The following NME9 variants were observed in gnomAD, a reference collection of about 807,000 sequenced individuals.
NME9 encodes the protein NME/NM23 family member 9.
NME9 carries 48 observed loss-of-function variants against 44.4 expected under a neutral mutation model. That is an observed-to-expected ratio of 1.08 (90% CI 0.86 to 1.37). NME9 has a LOEUF of 1.37. Ranked by LOEUF, NME9 falls within the 40% of genes most tolerant of loss-of-function variation. The pLI, the probability that NME9 is intolerant of heterozygous loss-of-function variation, is 0.00. For synonymous variants in NME9, 139 were observed against 147.1 expected, an observed-to-expected ratio of 0.94 and a Z score of 0.40; for missense variants, 325 against 405.2, an observed-to-expected ratio of 0.80 and a Z score of 1.70.
intron 8 of NME9, among the ~76,000 whole-genome samples, chr3:138,293,722 TTTC>T (rs2051206887): frequency 6.6e-6 from 1 of 152,290 alleles, no homozygotes; most frequent in Non-Finnish European, 1.5e-5. Flanking sequence ...CAGCCCATCT[TTTC>T]TACCTGAGAG....
intron 8 of NME9, among the ~76,000 whole-genome samples, chr3:138,277,507 A>C (rs924851956): frequency 3.9e-5 from 6 of 152,250 alleles, no homozygotes; most frequent in African/African-American, 1.4e-4. Context: ...TATCTGACAA[A>C]TGACTTGTGT....
Position 138,315,632 on chromosome 3 carries a change from C to G in NME9, c.279G>C (p.Leu93=). 1 of 1,535,768 alleles carries G rather than the reference C, an allele frequency of 6.5e-7. No homozygotes were observed. Among genetic ancestry groups the G allele is most frequent in the South Asian group, 1.2e-5 (1 of 84,042 alleles). The stretch of plus-strand genomic sequence containing the variant: ...CATTTGCTCCTCTAACCACAGCCAC[C>G]AGTTCTCCTCCCTAGAATACGTTAC... The part of the protein sequence containing the change: ...PTFLFYAGGE[L]VAVVRGANAP... The change falls in exon 5 of 11, where the codon CTG becomes CTC. Residue 93 remains leucine, a synonymous_variant. Coordinates refer to ENST00000333911, the MANE Select transcript of NME9 (RefSeq NM_001349018.2).
intron 4 of NME9, among the ~76,000 whole-genome samples, chr3:138,316,484 T>C (rs896402086): frequency 6.6e-6 from 1 of 152,216 alleles, no homozygotes; most frequent in Admixed American, 6.5e-5. Context: ...GGGAAACTTA[T>C]AAGGTGCTTG....
At chr3:138,269,681 C>G (rs1000379987) in intron 8 of NME9, among the ~76,000 whole-genome samples, 1 of 151,992 alleles carries the variant, frequency 6.6e-6, no homozygotes, top group Admixed American at 6.6e-5. Context: ...AGAGTCTCAG[C>G]GAAAGATGAG....
chr3:138,271,909 C>T (rs546813204), intron 8 of NME9, among the ~76,000 whole-genome samples: 4 of 151,616 alleles, frequency 2.6e-5, no homozygotes, highest in Admixed American at 2.0e-4. Flanking sequence ...GATTCTTGTG[C>T]CTCAACCTCC....
intron 8 of NME9, among the ~76,000 whole-genome samples, chr3:138,280,736 C>T (rs764908156): frequency 2.6e-5 from 4 of 152,106 alleles, no homozygotes; most frequent in African/African-American, 9.7e-5. Context: ...TAGTGATCCA[C>T]CCACCTCGGC....
intron 8 of NME9, among the ~76,000 whole-genome samples, chr3:138,278,277 C>T (rs1198765441): frequency 6.6e-6 from 1 of 152,078 alleles, no homozygotes; most frequent in African/African-American, 2.4e-5. Flanking sequence ...GAGGCTGAGG[C>T]AGGCGGATCA....
downstream of NME9, chr3:138,297,731 G>T (rs774825045): frequency 1.3e-5 from 2 of 152,204 alleles, no homozygotes; most frequent in Non-Finnish European, 2.9e-5. Context: ...GAGTGCTAAT[G>T]TGAGAAACCC....
At chr3:138,324,131 A>C (rs2053631676) in intron 2 of NME9, 1 of 230,966 alleles carries the variant, frequency 4.3e-6, no homozygotes, top group Non-Finnish European at 8.9e-6. Flanking sequence ...GCAAGAAGTT[A>C]ACGTCTCTGG....
chr3:138,264,254 C>T, intron 8 of NME9: 1 of 1,517,962 alleles, frequency 6.6e-7, no homozygotes, highest in Non-Finnish European at 9.1e-7. Flanking sequence ...TACTCACAGA[C>T]CCTAGAGTGA....
intron 2 of NME9, among the ~76,000 whole-genome samples, chr3:138,323,285 A>T (rs1432270557): frequency 2.0e-5 from 3 of 152,170 alleles, no homozygotes; most frequent in Non-Finnish European, 4.4e-5. Flanking sequence ...GTGTGATAGA[A>T]TGTGCCTGTA....
At chr3:138,289,204 C>A in intron 8 of NME9, 1 of 1,055,308 alleles carries the variant, frequency 9.5e-7, no homozygotes, top group Non-Finnish European at 1.4e-6. Context: ...CCCTGAGATC[C>A]TGGGCAGAGG....
Position 138,329,827 on chromosome 3 carries a change from G to C in NME9, c.-492C>G. ...CCCGGAGTCACCAACCGAGTCTGCC[G>C]CGACCTAGCCGCGGTCGTCATGGCA... On this transcript the variant is annotated 5_prime_UTR_variant, in exon 1 of 11. Transcript: ENST00000333911. The C allele has an allele frequency of 1.0e-6, 1 of 986,278 alleles. No individual in the cohort carries two copies. Among genetic ancestry groups the C allele is most frequent in the Non-Finnish European group, 1.2e-6 (1 of 830,512 alleles). The allele number at this position is 986,278 out of a possible 1,614,324, so 61.1% of individuals were successfully genotyped here. A position where few individuals can be genotyped will look rare whatever the true frequency, so the allele number is the denominator to read the frequency against.
At chr3:138,324,689 CAG>C in intron 2 of NME9, 182 bp downstream of exon 2, 1 of 593,798 alleles carries the variant, frequency 1.7e-6, no homozygotes, top group Non-Finnish European at 3.0e-6. Flanking sequence ...ATATTCAAGC[CAG>C]ATACACACAC....
At chr3:138,309,270 G>A (rs2108439995) in intron 6 of NME9, among the ~76,000 whole-genome samples, 1 of 149,636 alleles carries the variant, frequency 6.7e-6, no homozygotes, top group African/African-American at 2.5e-5. Flanking sequence ...CTGCACTTCA[G>A]CCTGGTTGAC....
At chr3:138,285,355 G>A (rs554449581) in intron 8 of NME9, among the ~76,000 whole-genome samples, 6 of 152,222 alleles carry the variant, frequency 3.9e-5, no homozygotes, top group East Asian at 1.9e-4. Flanking sequence ...AATAAAGTTC[G>A]TATGCCTTTA....
Position 138,265,176 on chromosome 3 carries a change from G to A in NME9, c.746-2590C>T, listed in dbSNP as rs1313717641. 3.9e-5 allele frequency among the ~76,000 whole-genome samples: 6 copies of A among 152,072 alleles called. No homozygotes were observed. In the East Asian group the frequency reaches 9.6e-4, roughly 24 times the overall value. ...CCCAAAGTGTTGGCTAGGATTACAG[G>A]TATGAGCCACCATGCCTGACCCCTG... On this transcript the variant is annotated intron_variant, in intron 8 of 8. Transcript: ENST00000317876.
rs538560061 is a variant in NME9, at chr3:138,291,886, G to A, written c.745+11621C>T. Among the ~76,000 whole-genome samples the A allele has an allele frequency of 3.3e-5, 5 of 152,318 alleles. No homozygotes were observed. The South Asian group carries it at 6.2e-4, about 19-fold the overall frequency. On this transcript the variant is annotated intron_variant, in intron 8 of 8. Coordinates refer to the NME9 transcript ENST00000317876. ...ATATGGAGAGGGAGAATGCTAATAG[G>A]TGGAAGAATCCAGACCATGAAGAGC...
intron 6 of NME9, among the ~76,000 whole-genome samples, chr3:138,309,763 C>T (rs763487432): frequency 4.6e-5 from 7 of 152,022 alleles, no homozygotes; most frequent in Non-Finnish European, 7.4e-5. Flanking sequence ...TGCAGTGGCT[C>T]ATGCCTGTAA....
Sources: gnomAD v4.1 joint callset for allele counts (sites outside exome capture counted in the v4.1 genomes callset) on GRCh38, gnomAD v4.1.1 for gene constraint, MANE v1.5 for transcripts, NCBI Gene and HGNC (gene_info 2026-07-23, HGNC 2026-07-21) for gene names.